MLLT3: variants seen among roughly 807,000 people sequenced by gnomAD.
MLLT3 encodes the protein MLLT3 super elongation complex subunit, also known as protein AF-9.
In MLLT3, 4 loss-of-function variants were observed where a neutral mutation model predicts 53.2. That is an observed-to-expected ratio of 0.08 (90% CI 0.04 to 0.17). The LOEUF is 0.17. MLLT3 is among the 10% of genes least tolerant of loss of function. The pLI, the probability that MLLT3 is intolerant of heterozygous loss-of-function variation, is 1.00. For synonymous variants in MLLT3, 283 were observed against 230.6 expected (o/e 1.23, Z -2.06); for missense variants, 569 against 684.0 (o/e 0.83, Z 1.87).
intron 2 of MLLT3, among the ~76,000 whole-genome samples, chr9:20,593,201 G>A (rs911032985): frequency 5.3e-5 from 8 of 152,084 alleles, no homozygotes; most frequent in African/African-American, 1.7e-4. Context: ...GGCCATAAAC[G>A]TCTGACTCAA....
At chr9:20,383,678 T>A (rs1821959992) in intron 5 of MLLT3, among the ~76,000 whole-genome samples, 2 of 151,962 alleles carry the variant, frequency 1.3e-5, no homozygotes, top group African/African-American at 4.8e-5. Context: ...AAAAGTTATG[T>A]CTGAGTCCAT....
rs1466142648 is a variant in MLLT3 at position 20,448,959 on chromosome 9, T to C, written c.277-693A>G. On this transcript the variant is annotated intron_variant, in intron 3 of 10. Coordinates refer to ENST00000380338, the MANE Select transcript of MLLT3 (RefSeq NM_004529.4). This position sits in a 1 kb window ranked among gnomAD's most constrained non-coding sequence, Gnocchi z 4.0. ...ACTGGTTGCTTCCCAGTACCTACTG[T>C]GTTCTAGGTTACCTCTGGTTTCATT... Among the ~76,000 whole-genome samples, 1 of 152,172 alleles carries C rather than the reference T, an allele frequency of 6.6e-6. No homozygotes were observed. The highest frequency in any genetic ancestry group is 2.4e-5 in the African/African-American group (1 of 41,438).
chr9:20,357,522 C>G (rs142970222), intron 8 of MLLT3, among the ~76,000 whole-genome samples: 71 of 152,262 alleles, frequency 4.7e-4, no homozygotes, highest in Non-Finnish European at 7.3e-5. Context: ...GACAAACGTT[C>G]AAGATTATAT....
chr9:20,559,772 T>C (rs961379264), intron 2 of MLLT3, among the ~76,000 whole-genome samples: 4 of 152,198 alleles, frequency 2.6e-5, no homozygotes, highest in African/African-American at 9.7e-5. Context: ...ATAAAATACA[T>C]ATTTTATGGA....
chr9:20,496,721 T>G (rs1825087641), intron 2 of MLLT3, among the ~76,000 whole-genome samples: 1 of 152,192 alleles, frequency 6.6e-6, no homozygotes, highest in African/African-American at 2.4e-5. Flanking sequence ...TTGCACAGAT[T>G]TGGAAGCCAA....
At chr9:20,391,929 G>C (rs769728693) in intron 5 of MLLT3, among the ~76,000 whole-genome samples, 1 of 152,054 alleles carries the variant, frequency 6.6e-6, no homozygotes, top group African/African-American at 2.4e-5. Context: ...ATAAAGCCCA[G>C]GTGCTACATA....
intron 2 of MLLT3, among the ~76,000 whole-genome samples, chr9:20,532,082 C>A (rs530394990): frequency 4.7e-4 from 72 of 152,226 alleles, no homozygotes; most frequent in African/African-American, 1.7e-3. Context: ...TGTTCCATTA[C>A]AGATTTGTTA....
In MLLT3 at chr9:20,376,050, G is replaced by A. The variant is rs897118471; in HGVS notation, c.1126-10306C>T. 9.2e-5 allele frequency among the ~76,000 whole-genome samples: 14 copies of A among 152,036 alleles called. No individual in the cohort carries two copies. The East Asian group carries it at 1.2e-3, about 13-fold the overall frequency. ...TTTTATTTACCTTCAAGTGATCTAC[G>A]TTCTTTTCCTAACTCTTCAATATAA... On this transcript the variant is annotated intron_variant, in intron 5 of 10. Coordinates refer to ENST00000380338, the MANE Select transcript of MLLT3 (RefSeq NM_004529.4).
chr9:20,346,609 C>T (rs368953204), intron 10 of MLLT3, 35 bp from the exon 11 acceptor site: 100 of 1,600,088 alleles, frequency 6.2e-5, no homozygotes, highest in African/African-American at 6.7e-5. Context: ...TTGGGCAATA[C>T]GCAGCAAACA....
chr9:20,621,851 C>A lies in MLLT3; in HGVS notation c.12+394G>T. The A allele has an allele frequency of 1.4e-6, 2 of 1,387,702 alleles. No individual in the cohort carries two copies. The highest frequency in any genetic ancestry group is 1.6e-5 in the South Asian group (1 of 61,056). The allele number at this position is 1,387,702 out of a possible 1,614,324, so 86.0% of individuals were successfully genotyped here. The stretch of plus-strand genomic sequence containing the variant: ...GCGTCCCCGGACTGTGCCCGCAGCT[C>A]CCGGCGGCGGCGGCTGAAATATGGC... On this transcript the variant is annotated intron_variant, in intron 1 of 10. Transcript: ENST00000380338. This position sits in a 1 kb window ranked among gnomAD's most constrained non-coding sequence, Gnocchi z 7.0.
At chr9:20,398,812 G>A (rs1158922987) in intron 5 of MLLT3, among the ~76,000 whole-genome samples, 14 of 152,080 alleles carry the variant, frequency 9.2e-5, no homozygotes, top group African/African-American at 3.4e-4. Context: ...ACATCCCTCT[G>A]CTGTCTCAAT....
At chr9:20,504,186 C>G (rs1198388386) in intron 2 of MLLT3, among the ~76,000 whole-genome samples, 1 of 152,104 alleles carries the variant, frequency 6.6e-6, no homozygotes, top group African/African-American at 2.4e-5. Flanking sequence ...AATTCCAAAA[C>G]TGTGTATACA....
At chr9:20,540,257 C>T (rs1313138402) in intron 2 of MLLT3, among the ~76,000 whole-genome samples, 1 of 152,158 alleles carries the variant, frequency 6.6e-6, no homozygotes, top group Non-Finnish European at 1.5e-5. Flanking sequence ...GGACGATGGC[C>T]CTCTTCTCAC....
intron 2 of MLLT3, among the ~76,000 whole-genome samples, chr9:20,484,555 T>C (rs1470222673): frequency 1.3e-5 from 2 of 152,098 alleles, no homozygotes; most frequent in African/African-American, 4.8e-5. Flanking sequence ...ACTATATGGG[T>C]AAACTTAACC....
chr9:20,389,287 C>T (rs1822125199), intron 5 of MLLT3, among the ~76,000 whole-genome samples: 2 of 152,156 alleles, frequency 1.3e-5, no homozygotes, highest in African/African-American at 4.8e-5. Flanking sequence ...TTATATGATT[C>T]CATTCATATC....
chr9:20,498,892 G>GTAT (rs746776575), intron 2 of MLLT3, among the ~76,000 whole-genome samples: 8 of 152,178 alleles, frequency 5.3e-5, no homozygotes, highest in Non-Finnish European at 1.0e-4. Flanking sequence ...TAGTATTAGT[G>GTAT]TATTAGATTC....
intron 2 of MLLT3, among the ~76,000 whole-genome samples, chr9:20,615,454 C>T (rs1374625550): frequency 1.4e-5 from 2 of 145,836 alleles, no homozygotes; most frequent in African/African-American, 5.0e-5. Context: ...TTTAAATTAT[C>T]CTTTTCTGAA....
intron 10 of MLLT3, among the ~76,000 whole-genome samples, chr9:20,351,139 G>C (rs1169348114): frequency 6.6e-6 from 1 of 152,338 alleles, no homozygotes; most frequent in African/African-American, 2.4e-5. Context: ...TCCCAGGATG[G>C]AGAACATCAT....
At chr9:20,369,712 A>C (rs1821546343) in intron 5 of MLLT3, among the ~76,000 whole-genome samples, 1 of 152,146 alleles carries the variant, frequency 6.6e-6, no homozygotes, top group African/African-American at 2.4e-5. Context: ...CCAAAAACAA[A>C]CCAAGGATGA....
Sources: allele counts gnomAD v4.1 joint callset (sites outside exome capture counted in the v4.1 genomes callset), GRCh38; gene constraint gnomAD v4.1.1; non-coding constraint Gnocchi (gnomAD v3.1); transcripts MANE v1.5; gene names NCBI Gene and HGNC (gene_info 2026-07-23, HGNC 2026-07-21).